The following HS3ST3A1 variants were observed in gnomAD, a reference collection of about 807,000 sequenced individuals.
The protein encoded by HS3ST3A1 is heparan sulfate glucosamine 3-O-sulfotransferase 3A1.
In HS3ST3A1, 19 loss-of-function variants were observed where a neutral mutation model predicts 25.7. The observed-to-expected ratio is 0.74, with a 90% CI of 0.52 to 1.08. HS3ST3A1 has a LOEUF of 1.08. Ranked by LOEUF, HS3ST3A1 falls within the 50% of genes least tolerant of loss-of-function variation. The pLI is 0.00. For synonymous variants in HS3ST3A1, 226 were observed against 278.6 expected (o/e 0.81, Z 1.88); for missense variants, 459 against 594.3 (o/e 0.77, Z 2.37).
chr17:13,555,658 C>A (rs1598425278), intron 1 of HS3ST3A1, among the ~76,000 whole-genome samples: 1 of 152,138 alleles, frequency 6.6e-6, no homozygotes, highest in South Asian at 2.1e-4. Flanking sequence ...AACATGATTT[C>A]TCTACATGCA....
chr17:13,549,084 G>A (rs1907171824), intron 1 of HS3ST3A1, among the ~76,000 whole-genome samples: 1 of 152,140 alleles, frequency 6.6e-6, no homozygotes, highest in Non-Finnish European at 1.5e-5. Context: ...CACGCTTTGG[G>A]TCCGCACTAC....
chr17:13,519,766 T>A (rs932741100), intron 1 of HS3ST3A1, among the ~76,000 whole-genome samples: 2 of 152,134 alleles, frequency 1.3e-5, no homozygotes, highest in Non-Finnish European at 1.5e-5. Context: ...ATTGTTTTAA[T>A]CTTTACCAAG....
At chr17:13,560,294 A>AAAAAAAAAAAAAAAAAAC (rs1907500253) in intron 1 of HS3ST3A1, among the ~76,000 whole-genome samples, 1 of 124,428 alleles carries the variant, frequency 8.0e-6, no homozygotes, top group African/African-American at 3.4e-5. Flanking sequence ...GTCTCCAAAA[A>AAAAAAAAAAAAAAAAAAC]AAAAAAAAAA....
At chr17:13,535,921 T>C (rs1020941369) in intron 1 of HS3ST3A1, among the ~76,000 whole-genome samples, 1 of 152,156 alleles carries the variant, frequency 6.6e-6, no homozygotes, top group African/African-American at 2.4e-5. Flanking sequence ...ATTCACAGAA[T>C]TATACTAGAT....
chr17:13,569,897 G>C (rs939076424), intron 1 of HS3ST3A1, among the ~76,000 whole-genome samples: 1 of 152,150 alleles, frequency 6.6e-6, no homozygotes, highest in South Asian at 2.1e-4. Flanking sequence ...TCTAAAATGG[G>C]TCTTTAACCA....
In HS3ST3A1 at chr17:13,589,439, T is replaced by C. The variant is rs575799036; in HGVS notation, c.599+11092A>G. On this transcript the variant is annotated intron_variant, in intron 1 of 1. Coordinates refer to ENST00000284110, the MANE Select transcript of HS3ST3A1 (RefSeq NM_006042.3). The stretch of plus-strand genomic sequence containing the variant: ...ACAGATCCAATCTGTTTTCTTTCCA[T>C]CATTAAACCCTAGCAGGGCATTCTA... Among the ~76,000 whole-genome samples the C allele has an allele frequency of 4.6e-5, 7 of 152,316 alleles. No homozygotes were observed. In the South Asian group the frequency reaches 1.4e-3, roughly 32 times the overall value.
intron 1 of HS3ST3A1, among the ~76,000 whole-genome samples, chr17:13,596,030 C>A (rs1244891014): frequency 6.6e-6 from 1 of 152,098 alleles, no homozygotes; most frequent in East Asian, 1.9e-4. Context: ...TCTTTCCTGG[C>A]CAATCAACAG....
At chr17:13,582,367 C>G (rs1908138584) in intron 1 of HS3ST3A1, among the ~76,000 whole-genome samples, 1 of 152,134 alleles carries the variant, frequency 6.6e-6, no homozygotes. Flanking sequence ...GCTTAAATAT[C>G]CAGTTATTAT....
In HS3ST3A1 at chr17:13,496,155, T is replaced by C; in HGVS notation, c.*42A>G. 6.8e-7 allele frequency: 1 copy of C among 1,472,368 alleles called. No homozygotes were observed. The highest frequency in any genetic ancestry group is 9.0e-7 in the Non-Finnish European group (1 of 1,117,194). The allele number at this position is 1,472,368 out of a possible 1,614,324, so 91.2% of individuals were successfully genotyped here. A position where few individuals can be genotyped will look rare whatever the true frequency, so the allele number is the denominator to read the frequency against. On this transcript the variant is annotated 3_prime_UTR_variant, in exon 2 of 2. Coordinates refer to ENST00000284110, the MANE Select transcript of HS3ST3A1 (RefSeq NM_006042.3). ...TCTTCTCTACCGATTGGTAAAAAAA[T>C]ATATTATATTTTGATTTTTTTTTTC...
intron 1 of HS3ST3A1, among the ~76,000 whole-genome samples, chr17:13,558,282 C>G (rs1206549119): frequency 6.6e-6 from 1 of 151,700 alleles, no homozygotes; most frequent in Non-Finnish European, 1.5e-5. Flanking sequence ...TAGTGAGACA[C>G]TGTCTCTAAA....
intron 1 of HS3ST3A1, among the ~76,000 whole-genome samples, chr17:13,534,981 G>A (rs1906726083): frequency 6.6e-6 from 1 of 152,032 alleles, no homozygotes; most frequent in African/African-American, 2.4e-5. Flanking sequence ...AGCCGAGATT[G>A]TGCCATTGCA....
intron 1 of HS3ST3A1, among the ~76,000 whole-genome samples, chr17:13,564,010 C>T (rs1178371426): frequency 6.6e-6 from 1 of 152,130 alleles, no homozygotes; most frequent in African/African-American, 2.4e-5. Flanking sequence ...CATTTGGACT[C>T]GTCTTGTGGA....
intron 1 of HS3ST3A1, among the ~76,000 whole-genome samples, chr17:13,522,009 C>T (rs371860546): frequency 1.2e-4 from 19 of 152,270 alleles, no homozygotes; most frequent in African/African-American, 4.1e-4. Context: ...TGTCTCCAGA[C>T]GTGGCCAAAT....
At chr17:13,580,154 G>C (rs1339870803) in intron 1 of HS3ST3A1, among the ~76,000 whole-genome samples, 1 of 151,680 alleles carries the variant, frequency 6.6e-6, no homozygotes, top group Non-Finnish European at 1.5e-5. Flanking sequence ...TCACTATGCT[G>C]ATAAAAATTC....
At chr17:13,502,537 C>G (rs1399414959) in intron 1 of HS3ST3A1, among the ~76,000 whole-genome samples, 1 of 152,114 alleles carries the variant, frequency 6.6e-6, no homozygotes, top group Admixed American at 6.5e-5. Context: ...CAATTTGGGC[C>G]ATTTGCCCTG....
chr17:13,587,457 A>G (rs1340619811), intron 1 of HS3ST3A1, among the ~76,000 whole-genome samples: 1 of 152,260 alleles, frequency 6.6e-6, no homozygotes, highest in African/African-American at 2.4e-5. Context: ...CGTCTCAAAA[A>G]TAAAAATAAT....
intron 1 of HS3ST3A1, among the ~76,000 whole-genome samples, chr17:13,555,028 A>G (rs948429247): frequency 6.6e-6 from 1 of 152,158 alleles, no homozygotes; most frequent in Non-Finnish European, 1.5e-5. Flanking sequence ...TAACTCACAG[A>G]CATTTCAGTC....
At chr17:13,579,886 T>C (rs1291339343) in intron 1 of HS3ST3A1, among the ~76,000 whole-genome samples, 1 of 141,944 alleles carries the variant, frequency 7.0e-6, no homozygotes, top group Non-Finnish European at 1.5e-5. Context: ...AGGCAGAGGT[T>C]GCAGTGAGCT....
intron 1 of HS3ST3A1, among the ~76,000 whole-genome samples, chr17:13,522,150 GAAGT>G (rs1400631252): frequency 1.3e-5 from 2 of 151,902 alleles, no homozygotes; most frequent in African/African-American, 4.8e-5. Context: ...TAGCATAAGA[GAAGT>G]AATTGTTTCG....
Sources: allele counts gnomAD v4.1 joint callset (sites outside exome capture counted in the v4.1 genomes callset), GRCh38; gene constraint gnomAD v4.1.1; transcripts MANE v1.5; gene names NCBI Gene and HGNC (gene_info 2026-07-23, HGNC 2026-07-21).